Variants in UQCRC2 observed in about 807,000 individuals in gnomAD.
UQCRC2 encodes the protein cytochrome b-c1 complex subunit 2, mitochondrial.
In UQCRC2, 49 loss-of-function variants were observed where a neutral mutation model predicts 55.6. That is an observed-to-expected ratio of 0.88 (90% CI 0.70 to 1.12). The LOEUF (loss-of-function observed/expected upper bound fraction) is 1.12. Among genes scored for constraint, UQCRC2 ranks in the 50% most tolerant of loss-of-function variants. The probability of loss-of-function intolerance (pLI) is 0.00; values close to 1 mark genes in which losing one functional copy is unlikely to be tolerated. For synonymous variants in UQCRC2, 193 were observed against 192.0 expected (o/e 1.01, Z -0.04); for missense variants, 506 against 547.8 (o/e 0.92, Z 0.76).
Position 21,983,457 on chromosome 16 carries a change from G to A in UQCRC2, c.*286G>A, listed in dbSNP as rs547983601. 28 of 396,262 alleles carry A rather than the reference G, an allele frequency of 7.1e-5. No individual in the cohort carries two copies. The highest frequency in any genetic ancestry group is 6.5e-4 in the Middle Eastern group (1 of 1,550). 24.5% of individuals were successfully genotyped at this position (396,262 alleles called of 1,614,324 possible). On this transcript the variant is annotated 3_prime_UTR_variant, in exon 14 of 14. Transcript: ENST00000268379. Reference sequence around the variant, plus strand: ...GACAGGAATATAATTATTGAGTATAGAAGCATCAGAAACTATTAAAATTAA... The same window carrying A: ...GACAGGAATATAATTATTGAGTATAAAAGCATCAGAAACTATTAAAATTAA...
At chr16:21,957,357 C>G in intron 2 of UQCRC2, 39 bp downstream of exon 2, 3 of 1,613,858 alleles carry the variant, frequency 1.9e-6, no homozygotes, top group Non-Finnish European at 2.5e-6. Context: ...GCTATACATG[C>G]CTTACTCTCC....
At chr16:21,963,236 A>T (rs1898246750) in intron 6 of UQCRC2, 1 of 167,300 alleles carries the variant, frequency 6.0e-6, no homozygotes, top group East Asian at 1.6e-4. Flanking sequence ...GCCTCAAGTG[A>T]TCCACCCACC....
intron 1 of UQCRC2, among the ~76,000 whole-genome samples, chr16:21,955,403 C>G (rs1898071731): frequency 6.6e-6 from 1 of 152,188 alleles, no homozygotes; most frequent in African/African-American, 2.4e-5. Context: ...GGAGGCATTG[C>G]AGACTGTGCA....
Position 21,960,338 on chromosome 16 carries a change from G to A in UQCRC2, c.332+1739G>A, listed in dbSNP as rs561459510. On this transcript the variant is annotated intron_variant, in intron 4 of 13. Transcript: ENST00000268379. ...TCCTTAAAGCTCATGAACTAACCACGGCTAGCTTCAGACTTTTCTTCTGCA... is the reference window on the plus strand; with the variant it reads ...TCCTTAAAGCTCATGAACTAACCACAGCTAGCTTCAGACTTTTCTTCTGCA... Among the ~76,000 whole-genome samples, 7 of 152,236 alleles carry A rather than the reference G, an allele frequency of 4.6e-5. No individual in the cohort carries two copies. The South Asian group carries it at 6.2e-4, about 14-fold the overall frequency.
intron 7 of UQCRC2, 66 bp downstream of exon 7, chr16:21,965,571 G>C (rs1374913080): frequency 7.7e-7 from 1 of 1,305,120 alleles, no homozygotes; most frequent in East Asian, 2.8e-5. Flanking sequence ...TCCCATTTCA[G>C]GTTTGTTTGT....
intron 12 of UQCRC2, among the ~76,000 whole-genome samples, chr16:21,978,120 G>A (rs2141947051): frequency 6.6e-6 from 1 of 152,224 alleles, no homozygotes; most frequent in Non-Finnish European, 1.5e-5. Context: ...GAATATTAAT[G>A]TCAAAGTATG....
At chr16:21,968,298 A>G (rs1898376580) in intron 7 of UQCRC2, among the ~76,000 whole-genome samples, 1 of 152,128 alleles carries the variant, frequency 6.6e-6, no homozygotes, top group South Asian at 2.1e-4. Flanking sequence ...TACTGCACCC[A>G]GCCTCTTTTT....
intron 8 of UQCRC2, among the ~76,000 whole-genome samples, chr16:21,969,080 T>A (rs953590022): frequency 6.6e-6 from 1 of 152,182 alleles, no homozygotes; most frequent in African/African-American, 2.4e-5. Context: ...ATGATCAGCC[T>A]CACTAATAAT....
At chr16:21,958,649 AT>A (rs1209914499) in intron 4 of UQCRC2, 50 bp downstream of exon 4, 1 of 1,517,740 alleles carries the variant, frequency 6.6e-7, no homozygotes, top group Non-Finnish European at 9.1e-7. Context: ...AAAATATTCA[AT>A]TTTAAGGGAA....
rs537987922 is a variant in UQCRC2 at position 21,963,782 on chromosome 16, AAG to A, written c.514+900_514+901del. On this transcript the variant is annotated intron_variant, in intron 6 of 13. Transcript: ENST00000268379. ...CTGTGCCTGACCCCTAGTGATTTTTAAGAGTTGTTTTGCTTACCCCAAATCCT... is the reference window on the plus strand; with the variant it reads ...CTGTGCCTGACCCCTAGTGATTTTTAAGTTGTTTTGCTTACCCCAAATCCT... Among the ~76,000 whole-genome samples the A allele has an allele frequency of 8.5e-5, 13 of 152,054 alleles. No homozygotes were observed. In the East Asian group the frequency reaches 2.5e-3, roughly 29 times the overall value.
chr16:21,957,566 G>A lies in UQCRC2; in HGVS notation c.267G>A (p.Leu89=). ...ATTTGCTGCGTCTTACATCCAGTCT[G>A]GTGAGTATCTTCACTTCCTCAAGTG... ...TTHLLRLTSS[L]TTKGASSFKI... is the part of the protein sequence containing the mutation. The change falls in exon 3 of 14, where the codon CTG becomes CTA. Residue 89 remains leucine, a splice_region_variant and synonymous_variant. Coordinates refer to ENST00000268379, the MANE Select transcript of UQCRC2 (RefSeq NM_003366.4). 6.2e-7 allele frequency: 1 copy of A among 1,613,812 alleles called. No individual in the cohort carries two copies. The highest frequency in any genetic ancestry group is 8.5e-7 in the Non-Finnish European group (1 of 1,179,936).
At chr16:21,963,003 T>C in intron 6 of UQCRC2, 118 bp downstream of exon 6, 1 of 1,304,244 alleles carries the variant, frequency 7.7e-7, no homozygotes, top group Non-Finnish European at 1.0e-6. Context: ...TTATTTATTG[T>C]TTTGAGACAG....
At chr16:21,979,837 A>G (rs1875320876) in intron 12 of UQCRC2, among the ~76,000 whole-genome samples, 1 of 152,156 alleles carries the variant, frequency 6.6e-6, no homozygotes, top group African/African-American at 2.4e-5. Flanking sequence ...TCTTAACGGG[A>G]CCACCATCAT....
At chr16:21,964,813 T>A (rs1245913121) in intron 6 of UQCRC2, among the ~76,000 whole-genome samples, 2 of 152,232 alleles carry the variant, frequency 1.3e-5, no homozygotes, top group East Asian at 3.8e-4. Flanking sequence ...GTTCCACATC[T>A]CTGTATTTCT....
At chr16:21,977,389 T>TA (rs1241194191) in intron 12 of UQCRC2, among the ~76,000 whole-genome samples, 1 of 151,996 alleles carries the variant, frequency 6.6e-6, no homozygotes, top group Admixed American at 6.6e-5. Flanking sequence ...GTCACAAATC[T>TA]AAAGAGATTG....
At chr16:21,982,234 G>A (rs1471637875) in intron 13 of UQCRC2, among the ~76,000 whole-genome samples, 1 of 152,042 alleles carries the variant, frequency 6.6e-6, no homozygotes, top group Non-Finnish European at 1.5e-5. Flanking sequence ...CTCCTTCATA[G>A]TAATAAGATA....
intron 1 of UQCRC2, among the ~76,000 whole-genome samples, chr16:21,955,039 A>T (rs1285916976): frequency 7.8e-6 from 1 of 128,386 alleles, no homozygotes; most frequent in Non-Finnish European, 1.6e-5. Flanking sequence ...TAGACGACAG[A>T]GCGAGACTCC....
chr16:21,965,367 G>T, intron 6 of UQCRC2, 41 bp from the exon 7 acceptor site: 1 of 1,588,998 alleles, frequency 6.3e-7, no homozygotes, highest in South Asian at 1.1e-5. Context: ...TGTCTTTACT[G>T]AAAGTGCATT....
intron 4 of UQCRC2, among the ~76,000 whole-genome samples, chr16:21,961,079 C>T (rs1443407487): frequency 6.6e-6 from 1 of 152,136 alleles, no homozygotes; most frequent in African/African-American, 2.4e-5. Context: ...GATCCTCTCA[C>T]CTCAGCCCAG....
Sources: allele counts gnomAD v4.1 joint callset (sites outside exome capture counted in the v4.1 genomes callset), GRCh38; gene constraint gnomAD v4.1.1; transcripts MANE v1.5; gene names NCBI Gene and HGNC (gene_info 2026-07-23, HGNC 2026-07-21).